Variants in ALAS2 observed in about 807,000 individuals in gnomAD.
The protein encoded by ALAS2 is 5'-aminolevulinate synthase 2.
Under a neutral mutation model 33.7 loss-of-function variants are expected in ALAS2, and 3 were observed. The ratio of observed to expected loss-of-function variants is 0.09; its 90% CI spans 0.04 to 0.23. The LOEUF (loss-of-function observed/expected upper bound fraction) is 0.23. ALAS2 is among the 10% of genes least tolerant of loss of function. The pLI, the probability that ALAS2 is intolerant of heterozygous loss-of-function variation, is 1.00. For synonymous variants in ALAS2, 191 were observed against 177.3 expected (o/e 1.08, Z -0.61); for missense variants, 304 against 475.1 (o/e 0.64, Z 3.35).
chrX:55,015,231 A>T (rs1396429381), intron 8 of ALAS2, among the ~76,000 whole-genome samples: 2 of 110,652 alleles, frequency 1.8e-5, no homozygotes, highest in Non-Finnish European at 3.8e-5. Context: ...CAATGACTAG[A>T]TAGGCAGGAG....
At chrX:55,029,123 T>C (rs1189252967) in intron 1 of ALAS2, among the ~76,000 whole-genome samples, 1 of 112,139 alleles carries the variant, frequency 8.9e-6, no homozygotes, top group African/African-American at 3.2e-5. Context: ...ATTTTCTCCA[T>C]TTCCCATGTA....
intron 10 of ALAS2, among the ~76,000 whole-genome samples, chrX:55,012,792 C>CA (rs1214561854): frequency 5.4e-5 from 6 of 111,348 alleles, no homozygotes; most frequent in South Asian, 3.8e-4. Context: ...GACTCTGTCT[C>CA]AAAAAAACAA....
At chrX:55,017,701 C>T (rs750360412) in intron 6 of ALAS2, 36 bp from the exon 7 acceptor site, 1 of 1,180,611 alleles carries the variant, frequency 8.5e-7, no homozygotes, top group African/African-American at 1.7e-5. Context: ...AAGCTTCTGT[C>T]CCAGTACTCC....
At chrX:55,012,836 C>G (rs1034320725) in intron 10 of ALAS2, among the ~76,000 whole-genome samples, 14 of 111,766 alleles carry the variant, frequency 1.3e-4, no homozygotes, top group African/African-American at 3.6e-4. Context: ...CAAAACTACC[C>G]AACAGAAATC....
At chrX:55,016,493 T>C (rs1935706618) in intron 7 of ALAS2, among the ~76,000 whole-genome samples, 1 of 111,794 alleles carries the variant, frequency 8.9e-6, no homozygotes, top group South Asian at 3.7e-4. Flanking sequence ...AGCTAGTAAA[T>C]GGTCATGCTA....
intron 9 of ALAS2, among the ~76,000 whole-genome samples, chrX:55,014,030 A>G (rs1369599096): frequency 9.0e-6 from 1 of 111,572 alleles, no homozygotes; most frequent in African/African-American, 3.3e-5. Context: ...AATTCATAAA[A>G]TGAGTGTTTA....
Position 55,023,843 on chromosome X carries a change from A to G in ALAS2, c.329T>C (p.Val110Ala). Reference sequence around the variant, plus strand: ...ACCGGAAAATGGCTTCCTTAGGCTGACTGAGACCAGGGAGCTAGGCAGATC... The same window carrying G: ...ACCGGAAAATGGCTTCCTTAGGCTGGCTGAGACCAGGGAGCTAGGCAGATC... ...KTDLPSSLVS[V>A]SLRKPFSGPQ... Residue 110 changes from valine to alanine, a missense_variant, in exon 4 of 11, where the codon GTC (valine) becomes GCC (alanine). Transcript: ENST00000650242. 8.3e-7 allele frequency: 1 copy of G among 1,210,314 alleles called. No homozygotes were observed. The highest frequency in any genetic ancestry group is 1.1e-6 in the Non-Finnish European group (1 of 894,537).
intron 10 of ALAS2, among the ~76,000 whole-genome samples, chrX:55,012,171 G>T (rs772015384): frequency 8.9e-6 from 1 of 112,223 alleles, no homozygotes; most frequent in South Asian, 3.7e-4. Context: ...ACAGAATTAT[G>T]TTGTCAATAC....
intron 5 of ALAS2, 49 bp from the exon 6 acceptor site, chrX:55,020,553 G>A (rs919329231): frequency 6.3e-6 from 7 of 1,117,571 alleles, no homozygotes; most frequent in Non-Finnish European, 8.4e-6. Flanking sequence ...CTCTTGTCAG[G>A]CATCGAGGAA....
chrX:55,022,566 C>T lies in ALAS2; in HGVS notation c.415+1191G>A, dbSNP rs72620365. The stretch of plus-strand genomic sequence containing the variant: ...AAGGGTATGAGACTATGGATACCCT[C>T]CTTGATAACTGGTACAGCCATGTTG... On this transcript the variant is annotated intron_variant, in intron 4 of 10. Transcript: ENST00000650242. Among the ~76,000 whole-genome samples, 19 of 111,834 alleles carry T rather than the reference C, an allele frequency of 1.7e-4. No individual in the cohort carries two copies. In the East Asian group the frequency reaches 5.0e-3, roughly 30 times the overall value.
chrX:55,025,678 G>A, intron 2 of ALAS2, 142 bp downstream of exon 2: 2 of 620,773 alleles, frequency 3.2e-6, no homozygotes, highest in Non-Finnish European at 5.3e-6. Flanking sequence ...CAGATTCTGG[G>A]TATATTTTGG....
chrX:55,022,525 AAT>A, intron 4 of ALAS2, among the ~76,000 whole-genome samples: 1 of 112,138 alleles, frequency 8.9e-6, no homozygotes. Flanking sequence ...AAAGTTTGAT[AAT>A]ATCAAGGGCT....
At chrX:55,014,373 T>G (rs960540522) in intron 9 of ALAS2, among the ~76,000 whole-genome samples, 4 of 111,978 alleles carry the variant, frequency 3.6e-5, no homozygotes, top group Non-Finnish European at 7.5e-5. Flanking sequence ...ATGATACCCT[T>G]AGTATGTGAT....
chrX:55,016,595 C>G (rs1935708116), intron 7 of ALAS2, among the ~76,000 whole-genome samples: 1 of 111,322 alleles, frequency 9.0e-6, no homozygotes, highest in Non-Finnish European at 1.9e-5. Flanking sequence ...ACTATGGACT[C>G]TTTTGTTTCA....
At chrX:55,017,413 A>G (rs1227048763) in intron 7 of ALAS2, 73 bp downstream of exon 7, 6 of 872,071 alleles carry the variant, frequency 6.9e-6, no homozygotes, top group Non-Finnish European at 6.7e-6. Context: ...TGTTATCGTC[A>G]TCATCATCAT....
chrX:55,016,197 A>T (rs1254441280), intron 7 of ALAS2, among the ~76,000 whole-genome samples: 2 of 110,803 alleles, frequency 1.8e-5, no homozygotes, highest in African/African-American at 6.6e-5. Context: ...CACCCCAAAA[A>T]TAGGTAAATA....
At chrX:55,020,174 G>A in intron 6 of ALAS2, 146 bp downstream of exon 6, 5 of 577,903 alleles carry the variant, frequency 8.7e-6, no homozygotes, top group Non-Finnish European at 1.4e-5. Flanking sequence ...TAATTATCCA[G>A]TGTTGAGGAT....
chrX:55,013,780 G>A, intron 9 of ALAS2, 132 bp from the exon 10 acceptor site: 1 of 731,517 alleles, frequency 1.4e-6, no homozygotes, highest in Non-Finnish European at 2.1e-6. Context: ...TTTCCATTAG[G>A]GGCTTAGTGG....
At chrX:55,030,817 A>T in intron 1 of ALAS2, 125 bp downstream of exon 1, 1 of 186,188 alleles carries the variant, frequency 5.4e-6, no homozygotes, top group South Asian at 8.5e-5. Flanking sequence ...TGAAAAAGAG[A>T]CAGATTCTAA....
Sources: gnomAD v4.1 joint callset for allele counts (sites outside exome capture counted in the v4.1 genomes callset) on GRCh38, gnomAD v4.1.1 for gene constraint, MANE v1.5 for transcripts, NCBI Gene and HGNC (gene_info 2026-07-23, HGNC 2026-07-21) for gene names.